The following CDH18 variants were observed in gnomAD, a reference collection of about 807,000 sequenced individuals.
CDH18 encodes the protein cadherin 18.
In CDH18, 31 loss-of-function variants were observed where a neutral mutation model predicts 67.9. That is an observed-to-expected ratio of 0.46 (90% confidence interval 0.34 to 0.62). The LOEUF (loss-of-function observed/expected upper bound fraction) is 0.62, where lower values mean the gene tolerates loss of function less well. CDH18 is among the 20% of genes least tolerant of loss of function. The probability of loss-of-function intolerance (pLI) is 0.01; values close to 1 mark genes in which losing one functional copy is unlikely to be tolerated. For missense variants in CDH18, 890 were observed against 975.5 expected, an observed-to-expected ratio of 0.91 and a Z score of 1.17; for synonymous variants, 362 against 347.2, an observed-to-expected ratio of 1.04 and a Z score of -0.48.
chr5:20,452,170 A>G (rs1288782368), intron 1 of CDH18, among the ~76,000 whole-genome samples: 1 of 152,198 alleles, frequency 6.6e-6, no homozygotes, highest in Non-Finnish European at 1.5e-5. Context: ...AAAATATGCA[A>G]AAATAAGTAT....
At chr5:19,505,088 C>T (rs917097767) in intron 10 of CDH18, among the ~76,000 whole-genome samples, 6 of 152,008 alleles carry the variant, frequency 3.9e-5, no homozygotes, top group East Asian at 1.9e-4. Context: ...ATTTCAAATG[C>T]GAATTAAACA....
In CDH18 at chr5:19,591,134, T is replaced by C. The variant is rs755663944; in HGVS notation, c.922A>G (p.Ile308Val). 3 of 1,612,244 alleles carry C rather than the reference T, an allele frequency of 1.9e-6. No individual in the cohort carries two copies. Among genetic ancestry groups the C allele is most frequent in the Non-Finnish European group, 2.5e-6 (3 of 1,178,788 alleles). The change falls in exon 7 of 13, where the codon ATA (isoleucine) becomes GTA (valine). Residue 308 changes from isoleucine to valine, a missense_variant. By Grantham distance (29) the Ile-to-Val change is conservative. Transcript: ENST00000382275. The stretch of plus-strand genomic sequence containing the variant: ...AATATTCCCATGCCATCACCATTTA[T>C]GATGGAGTAGGTCATGTCAGCATTT... ...GSNADMTYSI[I>V]NGDGMGIFSI...
At chr5:19,479,331 A>G (rs1202114500) in intron 12 of CDH18, among the ~76,000 whole-genome samples, 1 of 152,202 alleles carries the variant, frequency 6.6e-6, no homozygotes, top group Non-Finnish European at 1.5e-5. Context: ...TTATTTCAGA[A>G]TTACGAGTTC....
intron 2 of CDH18, among the ~76,000 whole-genome samples, chr5:20,143,661 A>G (rs1750419622): frequency 6.6e-6 from 1 of 152,152 alleles, no homozygotes; most frequent in African/African-American, 2.4e-5. Context: ...GAACCACTGC[A>G]TCTGGCCTAG....
chr5:19,876,442 G>C (rs548188419), intron 2 of CDH18, among the ~76,000 whole-genome samples: 2 of 152,006 alleles, frequency 1.3e-5, no homozygotes, highest in Non-Finnish European at 2.9e-5. Flanking sequence ...GGGCCAGAGA[G>C]TTCCCGTTAT....
chr5:20,239,317 G>A lies in CDH18; in HGVS notation c.-518+16127C>T, dbSNP rs778061348. Among the ~76,000 whole-genome samples, 11 of 152,176 alleles carry A rather than the reference G, an allele frequency of 7.2e-5. No individual in the cohort carries two copies. The East Asian group carries it at 7.7e-4, about 11-fold the overall frequency. On this transcript the variant is annotated intron_variant, in intron 2 of 14. Coordinates refer to the CDH18 transcript ENST00000507958. ...TAAAATACAAAAAAACTATCTGGGC[G>A]TGGTGGCGGATGCCTGTAGTCCCAG...
chr5:20,172,190 GTATATATATATATATATA>G (rs70954640), intron 2 of CDH18, among the ~76,000 whole-genome samples: 2 of 23,330 alleles, frequency 8.6e-5, no homozygotes, highest in South Asian at 1.9e-3. Flanking sequence ...AGCATTGTGT[GTATATATATATATATATA>G]TATATATATA....
chr5:19,850,541 C>A (rs1783563098), intron 2 of CDH18, among the ~76,000 whole-genome samples: 1 of 151,698 alleles, frequency 6.6e-6, no homozygotes, highest in Non-Finnish European at 1.5e-5. Context: ...TCTGATTCTC[C>A]TGTCCTTGCA....
chr5:20,024,162 G>A (rs1265347182), intron 2 of CDH18, among the ~76,000 whole-genome samples: 1 of 152,116 alleles, frequency 6.6e-6, no homozygotes, highest in African/African-American at 2.4e-5. Flanking sequence ...ATTAACTATT[G>A]CCTAAAGGCT....
chr5:19,906,816 TAAATA>T (rs1014464989), intron 2 of CDH18, among the ~76,000 whole-genome samples: 9 of 152,092 alleles, frequency 5.9e-5, no homozygotes, highest in Admixed American at 2.0e-4. Flanking sequence ...TAATAATAAA[TAAATA>T]AAATCCACAA....
At chr5:19,802,498 A>G (rs909045377) in intron 3 of CDH18, among the ~76,000 whole-genome samples, 1 of 152,218 alleles carries the variant, frequency 6.6e-6, no homozygotes, top group Admixed American at 6.5e-5. Context: ...TCTTGATGGC[A>G]TAACAGATAA....
chr5:20,021,076 G>C (rs1390138152), intron 2 of CDH18, among the ~76,000 whole-genome samples: 1 of 151,986 alleles, frequency 6.6e-6, no homozygotes, highest in African/African-American at 2.4e-5. Context: ...GATTATTTTG[G>C]AGCTTTAAGA....
chr5:20,265,324 T>G (rs1744951341), intron 1 of CDH18, among the ~76,000 whole-genome samples: 1 of 152,068 alleles, frequency 6.6e-6, no homozygotes, highest in Non-Finnish European at 1.5e-5. Flanking sequence ...CAAAAAAAAT[T>G]TAATAAACTC....
intron 5 of CDH18, among the ~76,000 whole-genome samples, chr5:19,696,989 G>T (rs139655817): frequency 6.6e-6 from 1 of 152,140 alleles, no homozygotes; most frequent in Non-Finnish European, 1.5e-5. Flanking sequence ...ATACTCAACA[G>T]AAAGTCTTGC....
At chr5:20,030,492 A>G (rs929594451) in intron 2 of CDH18, among the ~76,000 whole-genome samples, 4 of 152,194 alleles carry the variant, frequency 2.6e-5, no homozygotes, top group African/African-American at 7.2e-5. Context: ...CAGGATCAAC[A>G]GACAACTAGA....
chr5:20,523,879 A>C (rs921542838), intron 1 of CDH18, among the ~76,000 whole-genome samples: 2 of 152,200 alleles, frequency 1.3e-5, no homozygotes, highest in African/African-American at 4.8e-5. Context: ...ACTTTCAAAA[A>C]AGTGCATTTG....
chr5:19,687,590 A>G (rs1186419915), intron 5 of CDH18, among the ~76,000 whole-genome samples: 1 of 152,138 alleles, frequency 6.6e-6, no homozygotes, highest in Admixed American at 6.6e-5. Context: ...TGGGACTGCT[A>G]CCACTGAAAG....
At chr5:20,250,914 G>A (rs1743811545) in intron 2 of CDH18, among the ~76,000 whole-genome samples, 1 of 152,004 alleles carries the variant, frequency 6.6e-6, no homozygotes, top group Non-Finnish European at 1.5e-5. Flanking sequence ...CCAGACAAAT[G>A]CATTTAGATA....
intron 5 of CDH18, among the ~76,000 whole-genome samples, chr5:19,696,374 T>C (rs977526501): frequency 6.6e-6 from 1 of 151,292 alleles, no homozygotes; most frequent in East Asian, 2.0e-4. Context: ...CTGTCTCTAC[T>C]AAAAATACAA....
Sources: allele counts gnomAD v4.1 joint callset (sites outside exome capture counted in the v4.1 genomes callset), GRCh38; gene constraint gnomAD v4.1.1; transcripts MANE v1.5; gene names NCBI Gene and HGNC (gene_info 2026-07-23, HGNC 2026-07-21).